The following SUGCT variants were observed in gnomAD, a reference collection of about 807,000 sequenced individuals.
SUGCT encodes the protein succinyl-CoA:glutarate-CoA transferase.
In SUGCT, 41 loss-of-function variants were observed where a neutral mutation model predicts 55.0. That is an observed-to-expected ratio of 0.74 (90% confidence interval 0.58 to 0.97). The LOEUF is 0.97. SUGCT is among the 50% of genes least tolerant of loss of function. SUGCT has a pLI of 0.00. For missense variants in SUGCT, 568 were observed against 547.8 expected, an observed-to-expected ratio of 1.04 and a Z score of -0.37; for synonymous variants, 187 against 200.4, an observed-to-expected ratio of 0.93 and a Z score of 0.56.
rs185285734 is a variant in SUGCT at position 40,785,974 on chromosome 7, C to T, written c.1153+36477C>T. On this transcript the variant is annotated intron_variant, in intron 13 of 13. Transcript: ENST00000335693. ...ATTAGCTAATGGTGGTAATGCATGT[C>T]TGCAGTCCTAGCTACTCAGGAAATT... 5.0e-3 allele frequency among the ~76,000 whole-genome samples: 756 copies of T among 152,242 alleles called. 6 individuals carry two copies. The highest frequency in any genetic ancestry group is 7.8e-3 in the Non-Finnish European group (528 of 68,022).
At chr7:41,007,924 A>T in the SUGCT span, among the ~76,000 whole-genome samples, 1 of 151,548 alleles carries the variant, frequency 6.6e-6, no homozygotes, top group African/African-American at 2.4e-5. Context: ...CTCTTCCCTT[A>T]ACAAAATCTT....
chr7:40,477,980 T>C (rs1040142824), intron 11 of SUGCT, among the ~76,000 whole-genome samples: 2 of 152,088 alleles, frequency 1.3e-5, no homozygotes, highest in African/African-American at 4.8e-5. Context: ...CAACAAATTA[T>C]TGTTTGGGCT....
At chr7:40,747,340 TTG>T (rs2128709953) in intron 12 of SUGCT, among the ~76,000 whole-genome samples, 1 of 152,276 alleles carries the variant, frequency 6.6e-6, no homozygotes, top group Admixed American at 6.5e-5. Context: ...ACCCGTGAAG[TTG>T]TCTTATTGAT....
chr7:40,257,920 G>A (rs973287672), intron 7 of SUGCT, among the ~76,000 whole-genome samples: 1 of 152,158 alleles, frequency 6.6e-6, no homozygotes, highest in Non-Finnish European at 1.5e-5. Context: ...GAACAATATA[G>A]CAGGAGTATA....
At chr7:40,450,823 T>A (rs915954902) in intron 10 of SUGCT, among the ~76,000 whole-genome samples, 4 of 151,984 alleles carry the variant, frequency 2.6e-5, no homozygotes, top group Admixed American at 1.3e-4. Flanking sequence ...TTACTGTAGT[T>A]AACTTATTAT....
At chr7:40,971,368 G>C in the SUGCT span, among the ~76,000 whole-genome samples, 2 of 152,108 alleles carry the variant, frequency 1.3e-5, no homozygotes, top group African/African-American at 2.4e-5. Flanking sequence ...ATGAGATTTG[G>C]AGGGGACTTC....
chr7:40,732,939 G>C (rs535988563), intron 12 of SUGCT, among the ~76,000 whole-genome samples: 49 of 150,412 alleles, frequency 3.3e-4, no homozygotes, highest in African/African-American at 1.2e-3. Context: ...AAAATACATA[G>C]TGGCGCATGT....
chr7:40,934,697 C>T, the SUGCT span, among the ~76,000 whole-genome samples: 1 of 151,932 alleles, frequency 6.6e-6, no homozygotes, highest in South Asian at 2.1e-4. Context: ...CGATCTCAGA[C>T]TGCTGCGCTA....
At chr7:40,353,639 TA>T (rs1459863767) in intron 9 of SUGCT, among the ~76,000 whole-genome samples, 2 of 152,296 alleles carry the variant, frequency 1.3e-5, no homozygotes, top group East Asian at 3.9e-4. Context: ...ATTATGGTGT[TA>T]TTTTTTGCTG....
chr7:40,821,717 T>C (rs1366211831), intron 13 of SUGCT, among the ~76,000 whole-genome samples: 5 of 152,206 alleles, frequency 3.3e-5, no homozygotes, highest in Non-Finnish European at 5.9e-5. Flanking sequence ...AAAAACCAGC[T>C]CCTGGATTCA....
At chr7:40,959,046 C>T in the SUGCT span, among the ~76,000 whole-genome samples, 6 of 152,188 alleles carry the variant, frequency 3.9e-5, no homozygotes, top group Non-Finnish European at 8.8e-5. Flanking sequence ...GAAGCTTCAT[C>T]CCAGAGGGGC....
At chr7:40,783,234 C>T (rs900334575) in intron 13 of SUGCT, among the ~76,000 whole-genome samples, 1 of 152,082 alleles carries the variant, frequency 6.6e-6, no homozygotes, top group Non-Finnish European at 1.5e-5. Context: ...CATCGGACTA[C>T]TTTTTCCTCT....
At chr7:40,802,386 G>A (rs1394773781) in intron 13 of SUGCT, among the ~76,000 whole-genome samples, 2 of 151,954 alleles carry the variant, frequency 1.3e-5, no homozygotes, top group Non-Finnish European at 2.9e-5. Context: ...TTTACAATGT[G>A]ATCATCACCA....
At chr7:40,536,259 A>G (rs1794354996) in intron 12 of SUGCT, among the ~76,000 whole-genome samples, 1 of 152,192 alleles carries the variant, frequency 6.6e-6, no homozygotes, top group Admixed American at 6.5e-5. Context: ...AAGAAGGAAG[A>G]TAACAAATGG....
At chr7:40,153,658 C>A (rs1166093761) in intron 1 of SUGCT, 5 of 521,846 alleles carry the variant, frequency 9.6e-6, no homozygotes, top group African/African-American at 7.7e-5. Flanking sequence ...GGGGCAATAC[C>A]AATAGAGGGG....
intron 12 of SUGCT, among the ~76,000 whole-genome samples, chr7:40,597,796 A>G (rs561974886): frequency 8.5e-5 from 13 of 152,344 alleles, no homozygotes; most frequent in Admixed American, 2.6e-4. Flanking sequence ...ATAGCATGGA[A>G]GAGAAATGAA....
chr7:40,192,414 A>C (rs149648602), intron 5 of SUGCT, among the ~76,000 whole-genome samples: 41 of 152,286 alleles, frequency 2.7e-4, no homozygotes, highest in African/African-American at 9.6e-4. Flanking sequence ...ACAATTTTCT[A>C]TGTTAATTAG....
chr7:40,319,947 G>A (rs535937275), intron 9 of SUGCT, among the ~76,000 whole-genome samples: 15 of 150,804 alleles, frequency 9.9e-5, no homozygotes, highest in South Asian at 4.2e-4. Flanking sequence ...CTGGGATACC[G>A]AGTAGCGGAG....
downstream of SUGCT, among the ~76,000 whole-genome samples, chr7:40,865,508 A>G (rs150819110): frequency 7.1e-3 from 1,076 of 152,298 alleles, 7 homozygotes; most frequent in Non-Finnish European, 0.012. Context: ...ACATGCACCC[A>G]GTTCTAAGGG....
Sources: gnomAD v4.1 joint callset for allele counts (sites outside exome capture counted in the v4.1 genomes callset) on GRCh38, gnomAD v4.1.1 for gene constraint, MANE v1.5 for transcripts, NCBI Gene and HGNC (gene_info 2026-07-23, HGNC 2026-07-21) for gene names.